Variants in CPED1 observed in about 807,000 individuals in gnomAD.
CPED1 encodes cadherin-like and PC-esterase domain-containing protein 1.
A neutral mutation model predicts 128.2 loss-of-function variants in CPED1; 114 were observed. The observed-to-expected ratio is 0.89, with a 90% CI of 0.76 to 1.04. The LOEUF is 1.04. CPED1 is among the 50% of genes least tolerant of loss of function. The pLI is 0.00. For missense variants in CPED1, 1,211 were observed against 1,207.1 expected, an observed-to-expected ratio of 1.00 and a Z score of -0.05; for synonymous variants, 462 against 426.7, an observed-to-expected ratio of 1.08 and a Z score of -1.02.
chr7:121,133,717 T>C (rs927622400), intron 12 of CPED1, 106 bp from the exon 13 acceptor site: 8 of 718,330 alleles, frequency 1.1e-5, no homozygotes, highest in Non-Finnish European at 1.8e-5. Flanking sequence ...TTTGTGTTCA[T>C]CAAAGTAACT....
rs115481113 is a variant in CPED1 at position 121,170,118 on chromosome 7, G to A, written c.2055+27977G>A. ...CAAAGCACGTGGTATAAGGTCGATA[G>A]CCAGTGAGTGTTTGTGGAGTATGTG... On this transcript the variant is annotated intron_variant, in intron 16 of 22. Transcript: ENST00000310396. Among the ~76,000 whole-genome samples, 1,000 of 152,302 alleles carry A rather than the reference G, an allele frequency of 6.6e-3. 10 individuals are homozygous for A. The highest frequency in any genetic ancestry group is 0.022 in the African/African-American group (927 of 41,548).
At chr7:121,184,064 CA>C in intron 16 of CPED1, among the ~76,000 whole-genome samples, 1 of 151,694 alleles carries the variant, frequency 6.6e-6, no homozygotes, top group African/African-American at 2.4e-5. Context: ...TGCTTGAACC[CA>C]GGGGACGGAG....
chr7:121,292,779 T>C (rs1297157881), intron 22 of CPED1, among the ~76,000 whole-genome samples: 1 of 152,164 alleles, frequency 6.6e-6, no homozygotes, highest in African/African-American at 2.4e-5. Context: ...CAGGCCGCTC[T>C]TCTGCAAGTC....
chr7:121,095,874 T>C (rs766784554), intron 5 of CPED1, among the ~76,000 whole-genome samples: 11 of 152,176 alleles, frequency 7.2e-5, no homozygotes, highest in Non-Finnish European at 1.5e-4. Context: ...CTGTGCTTTT[T>C]GGCAGCAAGG....
At chr7:121,028,518 A>G (rs1792653470) in intron 3 of CPED1, among the ~76,000 whole-genome samples, 1 of 152,178 alleles carries the variant, frequency 6.6e-6, no homozygotes, top group Admixed American at 6.5e-5. Flanking sequence ...TTTACAGTCA[A>G]AGCCAATGAT....
At chr7:121,088,583 C>T (rs978731402) in intron 5 of CPED1, among the ~76,000 whole-genome samples, 4 of 150,570 alleles carry the variant, frequency 2.7e-5, no homozygotes, top group South Asian at 4.2e-4. Flanking sequence ...CGCATGAATC[C>T]GGGAGGCAGA....
At chr7:121,221,392 T>A (rs1797873953) in intron 16 of CPED1, among the ~76,000 whole-genome samples, 1 of 152,244 alleles carries the variant, frequency 6.6e-6, no homozygotes. Context: ...GTTCCAAGTC[T>A]TTGCTATTGT....
chr7:120,998,352 G>A (rs1206118790), intron 2 of CPED1, among the ~76,000 whole-genome samples: 2 of 152,144 alleles, frequency 1.3e-5, no homozygotes, highest in Middle Eastern at 6.8e-3. Context: ...TGTTACCTTG[G>A]GCACATTTCT....
At chr7:121,168,277 C>A (rs1355683253) in intron 16 of CPED1, among the ~76,000 whole-genome samples, 2 of 152,230 alleles carry the variant, frequency 1.3e-5, no homozygotes, top group East Asian at 3.9e-4. Flanking sequence ...TTTAAGAAAA[C>A]CTGAAATAAT....
chr7:121,172,479 G>T (rs528690850), intron 16 of CPED1, among the ~76,000 whole-genome samples: 32 of 151,530 alleles, frequency 2.1e-4, no homozygotes, highest in African/African-American at 7.0e-4. Flanking sequence ...ATTATAGATT[G>T]CTGCTTTCTT....
At chr7:120,989,286 A>T (rs577537662) in intron 1 of CPED1, 105 bp from the exon 2 acceptor site, 45 of 287,952 alleles carry the variant, frequency 1.6e-4, no homozygotes, top group Non-Finnish European at 2.4e-4. Flanking sequence ...GTGAGTTGAA[A>T]GATGTGAGAA....
intron 22 of CPED1, among the ~76,000 whole-genome samples, chr7:121,279,364 G>A (rs1473044632): frequency 6.6e-6 from 1 of 151,854 alleles, no homozygotes; most frequent in East Asian, 1.9e-4. Flanking sequence ...AAATGAGGCA[G>A]ATTGACCACA....
At chr7:121,077,444 T>A (rs1001902674) in intron 5 of CPED1, among the ~76,000 whole-genome samples, 1 of 152,044 alleles carries the variant, frequency 6.6e-6, no homozygotes, top group African/African-American at 2.4e-5. Context: ...AAGCAAAAAA[T>A]GAATTTAGTG....
chr7:121,225,815 T>G (rs2116635354), intron 16 of CPED1, among the ~76,000 whole-genome samples: 1 of 152,252 alleles, frequency 6.6e-6, no homozygotes. Flanking sequence ...CATGCCATGG[T>G]TTTCAGCTCC....
At chr7:121,165,331 G>A (rs1796500036) in intron 16 of CPED1, among the ~76,000 whole-genome samples, 1 of 152,048 alleles carries the variant, frequency 6.6e-6, no homozygotes, top group South Asian at 2.1e-4. Context: ...AGAAAGCAGT[G>A]TCTAAAAGCA....
chr7:121,000,963 A>T (rs1743359995), intron 2 of CPED1, among the ~76,000 whole-genome samples: 1 of 152,136 alleles, frequency 6.6e-6, no homozygotes, highest in African/African-American at 2.4e-5. Context: ...GGCCAGAGTC[A>T]ATGTTCAATA....
chr7:121,114,871 A>T (rs1390601742), intron 7 of CPED1, among the ~76,000 whole-genome samples: 1 of 152,248 alleles, frequency 6.6e-6, no homozygotes, highest in Non-Finnish European at 1.5e-5. Flanking sequence ...GGATAAAGGT[A>T]CTTCTACTGT....
intron 22 of CPED1, among the ~76,000 whole-genome samples, chr7:121,280,283 A>C (rs1284449898): frequency 1.3e-5 from 2 of 152,190 alleles, no homozygotes; most frequent in East Asian, 3.9e-4. Flanking sequence ...ATTGAGTTTA[A>C]GACAGGGGAA....
At chr7:121,271,217 CT>C (rs1459825917) in intron 21 of CPED1, 66 bp from the exon 22 acceptor site, 2 of 1,307,860 alleles carry the variant, frequency 1.5e-6, no homozygotes, top group Non-Finnish European at 2.1e-6. Context: ...TAATTTCCAC[CT>C]AACTTATTGA....
Sources: allele counts gnomAD v4.1 joint callset (sites outside exome capture counted in the v4.1 genomes callset), GRCh38; gene constraint gnomAD v4.1.1; transcripts MANE v1.5; gene names NCBI Gene and HGNC (gene_info 2026-07-23, HGNC 2026-07-21).